SHTN1: variants seen among roughly 807,000 people sequenced by gnomAD.
SHTN1 encodes shootin 1.
A neutral mutation model predicts 83.1 loss-of-function variants in SHTN1; 42 were observed. The ratio of observed to expected loss-of-function variants is 0.51; its 90% CI spans 0.39 to 0.65. The LOEUF is 0.65. Among genes scored for constraint, SHTN1 ranks in the 30% least tolerant of loss-of-function variants. The pLI, the probability that SHTN1 is intolerant of heterozygous loss-of-function variation, is 0.00. For missense variants in SHTN1, 622 were observed against 737.8 expected (o/e 0.84, Z 1.82); for synonymous variants, 224 against 247.7 (o/e 0.90, Z 0.90).
intron 1 of SHTN1, among the ~76,000 whole-genome samples, chr10:117,109,364 T>A (rs2133637343): frequency 6.6e-6 from 1 of 152,102 alleles, no homozygotes; most frequent in East Asian, 1.9e-4. Flanking sequence ...CAGTAGACAC[T>A]CAATACATGT....
rs571582275 is a variant in SHTN1, at chr10:116,911,779, T to C, written c.1359+11A>G. 1.2e-6 allele frequency: 2 copies of C among 1,606,720 alleles called. No individual in the cohort carries two copies. Among genetic ancestry groups the C allele is most frequent in the South Asian group, 2.2e-5 (2 of 90,786 alleles). On this transcript the variant is annotated intron_variant, in intron 14 of 16. Coordinates refer to ENST00000355371, the MANE Select transcript of SHTN1 (RefSeq NM_001127211.3). ...CCATTAGCTAAACAATAAACTGAAA[T>C]CTATTCTTACCAGTATTCCTTTTAG...
chr10:116,991,896 C>T (rs1234483444), intron 1 of SHTN1, among the ~76,000 whole-genome samples: 3 of 152,172 alleles, frequency 2.0e-5, no homozygotes, highest in African/African-American at 2.4e-5. Flanking sequence ...AATCCCAGCA[C>T]TTTGGGAGGC....
At chr10:117,003,916 T>TG (rs538161224) in intron 1 of SHTN1, among the ~76,000 whole-genome samples, 166 of 152,202 alleles carry the variant, frequency 1.1e-3, no homozygotes, top group South Asian at 2.9e-3. Flanking sequence ...TTTTTGGAGA[T>TG]GGAGTTTCGT....
chr10:116,954,967 A>T (rs867178392), intron 4 of SHTN1, among the ~76,000 whole-genome samples: 14 of 152,064 alleles, frequency 9.2e-5, no homozygotes, highest in African/African-American at 2.9e-4. Context: ...TCCATTCCTA[A>T]ACTGCTCCTG....
At chr10:117,008,824 A>G (rs1852059391), upstream of SHTN1, among the ~76,000 whole-genome samples, 1 of 152,224 alleles carries the variant, frequency 6.6e-6, no homozygotes, top group Admixed American at 6.5e-5. Context: ...ACTCAAAACT[A>G]TAGAATTGGC....
intron 1 of SHTN1, among the ~76,000 whole-genome samples, chr10:117,069,028 A>G (rs1853043580): frequency 6.6e-6 from 1 of 152,162 alleles, no homozygotes; most frequent in African/African-American, 2.4e-5. Context: ...GTGAATGGAA[A>G]CTGGCCTCCC....
At chr10:116,969,794 A>G (rs12783529) in intron 2 of SHTN1, among the ~76,000 whole-genome samples, 62 of 152,294 alleles carry the variant, frequency 4.1e-4, no homozygotes, top group Non-Finnish European at 6.9e-4. Flanking sequence ...GTTTATTATT[A>G]TAAGGACTGA....
In SHTN1 at chr10:116,986,873, C is replaced by T. The variant is rs529869627; in HGVS notation, c.59-7565G>A. Among the ~76,000 whole-genome samples, 13 of 151,820 alleles carry T rather than the reference C, an allele frequency of 8.6e-5. No individual in the cohort carries two copies. The East Asian group carries it at 2.3e-3, about 27-fold the overall frequency. ...CCTCCTGAGTAACTGGGATTACAGG[C>T]GCCCGCCACCACACCCAGCTAATTT... is the stretch of plus-strand genomic sequence containing the variant. On this transcript the variant is annotated intron_variant, in intron 1 of 16. Transcript: ENST00000355371.
intron 1 of SHTN1, among the ~76,000 whole-genome samples, chr10:116,990,287 C>CTTTTTTTTTTTTT (rs11399364): frequency 3.1e-4 from 37 of 119,860 alleles, no homozygotes; most frequent in East Asian, 4.8e-4. Flanking sequence ...TTTTTTCTTT[C>CTTTTTTTTTTTTT]TTTTTTTTTT....
chr10:116,881,849 G>T lies in SHTN1; in HGVS notation c.*4495C>A. 1 of 474,754 alleles carries T rather than the reference G, an allele frequency of 2.1e-6. No individual in the cohort carries two copies. The highest frequency in any genetic ancestry group is 3.5e-6 in the Non-Finnish European group (1 of 288,240). 29.4% of individuals were successfully genotyped at this position (474,754 alleles called of 1,614,324 possible). A position where few individuals can be genotyped will look rare whatever the true frequency, so the allele number is the denominator to read the frequency against. Reference sequence around the variant, plus strand: ...ATATGATGTTTTTGCCTGAAATTCTGTGAACTTCGTTTTGCAGCCACCACA... The same window carrying T: ...ATATGATGTTTTTGCCTGAAATTCTTTGAACTTCGTTTTGCAGCCACCACA... On this transcript the variant is annotated 3_prime_UTR_variant, in exon 17 of 17. Coordinates refer to ENST00000355371, the MANE Select transcript of SHTN1 (RefSeq NM_001127211.3).
chr10:117,050,593 G>A (rs537647319), intron 1 of SHTN1, among the ~76,000 whole-genome samples: 64 of 151,976 alleles, frequency 4.2e-4, no homozygotes, highest in African/African-American at 1.4e-3. Context: ...ATATTAGAGT[G>A]CAAATAAATG....
At chr10:116,957,227 T>G (rs963551121) in intron 4 of SHTN1, among the ~76,000 whole-genome samples, 3 of 151,880 alleles carry the variant, frequency 2.0e-5, no homozygotes, top group Non-Finnish European at 2.9e-5. Context: ...GGAACCCCTC[T>G]ATGTCTAAGG....
chr10:116,947,307 C>T (rs1849631026), intron 7 of SHTN1, among the ~76,000 whole-genome samples: 1 of 152,124 alleles, frequency 6.6e-6, no homozygotes, highest in African/African-American at 2.4e-5. Context: ...TGGTGAGTCA[C>T]CTCCACCCTG....
intron 1 of SHTN1, among the ~76,000 whole-genome samples, chr10:117,100,308 CATG>C (rs1431817687): frequency 1.3e-5 from 2 of 152,196 alleles, no homozygotes; most frequent in East Asian, 3.9e-4. Flanking sequence ...TCACCTCATT[CATG>C]ATGTGTTTTC....
chr10:117,065,768 GAAAGAAAGAAAGAAA>G (rs1852977688), intron 1 of SHTN1, among the ~76,000 whole-genome samples: 1 of 51,642 alleles, frequency 1.9e-5, no homozygotes, highest in Admixed American at 2.3e-4. Flanking sequence ...AAGAAAGAAA[GAAAGAAAGAAAGAAA>G]GGAAGGAAGG....
In SHTN1 at chr10:116,968,552, T is replaced by C. The variant is rs1392162703; in HGVS notation, c.172+100A>G. Reference sequence around the variant, plus strand: ...GAAAGAAGTCTTGCTTTCTTGATTGTATGACCAGGACATTAGCAACTCAAT... The same window carrying C: ...GAAAGAAGTCTTGCTTTCTTGATTGCATGACCAGGACATTAGCAACTCAAT... On this transcript the variant is annotated intron_variant, in intron 3 of 16. Transcript: ENST00000355371. The C allele has an allele frequency of 9.0e-6, 7 of 774,800 alleles. No homozygotes were observed. In the African/African-American group the frequency reaches 1.2e-4, roughly 14 times the overall value. 48.0% of individuals were successfully genotyped at this position (774,800 alleles called of 1,614,324 possible). A position where few individuals can be genotyped will look rare whatever the true frequency, so the allele number is the denominator to read the frequency against.
chr10:117,029,781 C>G (rs1354697287), intron 2 of SHTN1, among the ~76,000 whole-genome samples: 1 of 152,094 alleles, frequency 6.6e-6, no homozygotes, highest in Non-Finnish European at 1.5e-5. Flanking sequence ...TGAGCAGATA[C>G]CAGCATCATG....
intron 1 of SHTN1, among the ~76,000 whole-genome samples, chr10:116,996,815 A>T (rs977103772): frequency 2.0e-5 from 3 of 152,176 alleles, no homozygotes; most frequent in African/African-American, 7.2e-5. Context: ...AATATACTTA[A>T]ATCTGTTCTT....
chr10:117,028,729 C>A (rs918769645), intron 2 of SHTN1, among the ~76,000 whole-genome samples: 1 of 152,194 alleles, frequency 6.6e-6, no homozygotes, highest in Non-Finnish European at 1.5e-5. Context: ...GTTAAGCCTG[C>A]AGGTGCACAG....
Sources: gnomAD v4.1 joint callset for allele counts (sites outside exome capture counted in the v4.1 genomes callset) on GRCh38, gnomAD v4.1.1 for gene constraint, MANE v1.5 for transcripts, NCBI Gene and HGNC (gene_info 2026-07-23, HGNC 2026-07-21) for gene names.